The following MTSS2 variants were observed in gnomAD, a reference collection of about 807,000 sequenced individuals.
MTSS2 encodes MTSS I-BAR domain containing 2.
A neutral mutation model predicts 67.1 loss-of-function variants in MTSS2; 27 were observed. That is an observed-to-expected ratio of 0.40 (90% CI 0.30 to 0.55). The LOEUF (loss-of-function observed/expected upper bound fraction) is 0.55. MTSS2 is among the 20% of genes least tolerant of loss of function. MTSS2 has a pLI of 0.43. For missense variants in MTSS2, 1,171 were observed against 1,067.8 expected, an observed-to-expected ratio of 1.10 and a Z score of -1.35; for synonymous variants, 624 against 468.6, an observed-to-expected ratio of 1.33 and a Z score of -4.28.
Position 70,677,850 on chromosome 16 carries a change from A to C in MTSS2, c.674T>G (p.Ile225Ser). 6.2e-7 allele frequency: 1 copy of C among 1,612,612 alleles called. No individual in the cohort carries two copies. Among genetic ancestry groups the C allele is most frequent in the Non-Finnish European group, 8.5e-7 (1 of 1,179,700 alleles). Residue 225 changes from isoleucine to serine, a missense_variant, in exon 9 of 15, where the codon ATC becomes AGC. This residue lies in a region of MTSS2 where 247 missense variants were observed against 311.8 expected (regional missense o/e 0.79). Coordinates refer to ENST00000338779, the MANE Select transcript of MTSS2 (RefSeq NM_138383.3). ...LGEITHLQGI[I>S]DDLVVLTAEP... ...TGCTGTCAGCACCACCAAGTCGTCG[A>C]TGATGCCCTGCAGGTGGGTGATCTC...
chr16:70,680,944 G>A lies in MTSS2; in HGVS notation c.131+20C>T. 1 of 1,593,656 alleles carries A rather than the reference G, an allele frequency of 6.3e-7. No homozygotes were observed. Among genetic ancestry groups the A allele is most frequent in the Non-Finnish European group, 8.5e-7 (1 of 1,170,818 alleles). ...CCTCTGCCTGCCCCTCCCCTGCTGG[G>A]GTGCCCTGGGCCACCTCACCTCAGC... On this transcript the variant is annotated intron_variant, in intron 2 of 14. Coordinates refer to ENST00000338779, the MANE Select transcript of MTSS2 (RefSeq NM_138383.3).
chr16:70,674,103 G>C (rs1469771212), intron 11 of MTSS2, among the ~76,000 whole-genome samples: 1 of 152,164 alleles, frequency 6.6e-6, no homozygotes, highest in Admixed American at 6.5e-5. Context: ...ACTCATTTAA[G>C]ATATAAAGAT....
At chr16:70,673,320 A>G (rs1043178791) in intron 11 of MTSS2, among the ~76,000 whole-genome samples, 1 of 152,108 alleles carries the variant, frequency 6.6e-6, no homozygotes, top group Non-Finnish European at 1.5e-5. Context: ...GTGCCCAGAG[A>G]GAGACTCAGA....
chr16:70,682,443 C>G (rs1203051297), intron 1 of MTSS2, among the ~76,000 whole-genome samples: 1 of 152,094 alleles, frequency 6.6e-6, no homozygotes, highest in African/African-American at 2.4e-5. Flanking sequence ...CTTTAGGGAG[C>G]AGAGAAGTTG....
At chr16:70,678,220 C>T in intron 8 of MTSS2, 32 bp downstream of exon 8, 1 of 1,577,434 alleles carries the variant, frequency 6.3e-7, no homozygotes, top group African/African-American at 1.3e-5. Flanking sequence ...CCCAGCCCAC[C>T]CCTCTGGGGT....
intron 1 of MTSS2, among the ~76,000 whole-genome samples, chr16:70,682,016 G>A (rs546851933): frequency 1.8e-4 from 27 of 152,310 alleles, no homozygotes; most frequent in South Asian, 1.2e-3. Context: ...AGGGGAATGC[G>A]GAGACCCTGG....
chr16:70,665,422 G>A (rs2052675892), intron 12 of MTSS2, 44 bp downstream of exon 12: 10 of 1,527,316 alleles, frequency 6.5e-6, no homozygotes, highest in African/African-American at 1.4e-5. Context: ...ATGGATGGGA[G>A]GGGCAGCTGG....
chr16:70,663,601 G>A lies in MTSS2; in HGVS notation c.*76C>T. On this transcript the variant is annotated 3_prime_UTR_variant, in exon 15 of 15. Transcript: ENST00000338779. The stretch of plus-strand genomic sequence containing the variant: ...TGTCCTCTCTCCTGGCTGGGCCTTT[G>A]CTCTGAGTGCCTGCGGCTCACAGAC... 2 of 1,464,758 alleles carry A rather than the reference G, an allele frequency of 1.4e-6. No individual in the cohort carries two copies. Among genetic ancestry groups the A allele is most frequent in the Non-Finnish European group, 9.0e-7 (1 of 1,106,900 alleles). The allele number at this position is 1,464,758 out of a possible 1,614,324, so 90.7% of individuals were successfully genotyped here. A position where few individuals can be genotyped will look rare whatever the true frequency, so the allele number is the denominator to read the frequency against.
intron 11 of MTSS2, among the ~76,000 whole-genome samples, chr16:70,667,745 T>C (rs964189830): frequency 1.3e-5 from 2 of 151,988 alleles, no homozygotes; most frequent in African/African-American, 4.8e-5. Context: ...TGGTGGTACA[T>C]GTCTATAATT....
rs2053039907 is a variant in MTSS2 at position 70,674,321 on chromosome 16, T to C, written c.1038A>G (p.Ser346=). 6.2e-7 allele frequency: 1 copy of C among 1,613,592 alleles called. No individual in the cohort carries two copies. The highest frequency in any genetic ancestry group is 1.3e-5 in the African/African-American group (1 of 74,922). Residue 346 remains serine, a synonymous_variant, in exon 11 of 15, where the codon TCA becomes TCG. Coordinates refer to ENST00000338779, the MANE Select transcript of MTSS2 (RefSeq NM_138383.3). The part of the protein sequence containing the change: ...TYSKPPSPMP[S]DITSQKSSSS... ...GCCCCCTCACCTGGCTGGTGATGTCTGAAGGCATAGGCGAGGGGGGCTTGG... is the reference window on the plus strand; with the variant it reads ...GCCCCCTCACCTGGCTGGTGATGTCCGAAGGCATAGGCGAGGGGGGCTTGG...
rs1286450625 is a variant in MTSS2, at chr16:70,664,584, C to T, written c.1471+14G>A. 2 of 1,609,782 alleles carry T rather than the reference C, an allele frequency of 1.2e-6. No homozygotes were observed. Among genetic ancestry groups the T allele is most frequent in the Non-Finnish European group, 1.7e-6 (2 of 1,177,970 alleles). On this transcript the variant is annotated intron_variant, in intron 14 of 14. Transcript: ENST00000338779. ...CCAGCTGTCCCTGGTCCCACCCCAG[C>T]CCCGCGGGCCTGCCTTGGGAGGGGA... is the stretch of plus-strand genomic sequence containing the variant.
rs956683912 is a variant in MTSS2 at position 70,663,031 on chromosome 16, C to CG, written c.*645_*646insC. ...CACCACAGGGCCCCCAAGACCCCCC[C>CG]CCCCAAGCAGCCCCTGGTTTCCTCC... On this transcript the variant is annotated 3_prime_UTR_variant, in exon 15 of 15. Coordinates refer to ENST00000338779, the MANE Select transcript of MTSS2 (RefSeq NM_138383.3). The CG allele has an allele frequency of 2.0e-5, 3 of 152,366 alleles. No homozygotes were observed. Among genetic ancestry groups the CG allele is most frequent in the Non-Finnish European group, 2.9e-5 (2 of 68,310 alleles). 9.4% of individuals were successfully genotyped at this position (152,366 alleles called of 1,614,324 possible). A position where few individuals can be genotyped will look rare whatever the true frequency, so the allele number is the denominator to read the frequency against.
In MTSS2 at chr16:70,665,089, G is replaced by A; in HGVS notation, c.1136C>T (p.Ser379Phe). The stretch of plus-strand genomic sequence containing the variant: ...GGGCTGCTCATGGGAGCCGACCTTG[G>A]ACCAGTCCTGCAGGGAGGGTGTGGC... Reference protein sequence around the residue: ...SECSSPTSDWSKVGSHEQPSG... With the variant: ...SECSSPTSDWFKVGSHEQPSG... Residue 379 changes from serine (S) to phenylalanine (F), a missense_variant, in exon 13 of 15, where the codon TCC becomes TTC. By Grantham distance (155) the Ser-to-Phe change is radical. This residue lies in a region of MTSS2 where 924 missense variants were observed against 756.0 expected (regional missense o/e 1.22). Coordinates refer to ENST00000338779, the MANE Select transcript of MTSS2 (RefSeq NM_138383.3). 1 of 1,596,016 alleles carries A rather than the reference G, an allele frequency of 6.3e-7. No individual in the cohort carries two copies.
chr16:70,672,779 G>A (rs1433708363), intron 11 of MTSS2, among the ~76,000 whole-genome samples: 1 of 151,846 alleles, frequency 6.6e-6, no homozygotes, highest in Non-Finnish European at 1.5e-5. Context: ...TATGAGCTCA[G>A]AGATGCCTAA....
intron 11 of MTSS2, among the ~76,000 whole-genome samples, chr16:70,666,900 G>A (rs2052735530): frequency 6.6e-6 from 1 of 152,168 alleles, no homozygotes; most frequent in Non-Finnish European, 1.5e-5. Flanking sequence ...GATGCCCACT[G>A]TCATCACTCC....
chr16:70,681,270 GACA>G (rs1285133776), intron 1 of MTSS2, among the ~76,000 whole-genome samples: 2 of 152,210 alleles, frequency 1.3e-5, no homozygotes, highest in Non-Finnish European at 2.9e-5. Flanking sequence ...CTGACATCAG[GACA>G]TCCACCCTAC....
chr16:70,680,163 G>T (rs933632563), intron 3 of MTSS2, 108 bp from the exon 4 acceptor site: 2 of 630,046 alleles, frequency 3.2e-6, no homozygotes, highest in African/African-American at 2.0e-5. Flanking sequence ...CGCAGCCCGC[G>T]CCCTGCCCCC....
At chr16:70,679,351 GGA>G (rs1296486691) in intron 6 of MTSS2, 28 bp from the exon 7 acceptor site, 3 of 1,613,544 alleles carry the variant, frequency 1.9e-6, no homozygotes, top group Middle Eastern at 3.3e-4. Context: ...GAGGAGAGGA[GGA>G]GAGACAGAGA....
intron 12 of MTSS2, 88 bp from the exon 13 acceptor site, chr16:70,665,184 G>T: frequency 2.1e-6 from 3 of 1,427,264 alleles, no homozygotes; most frequent in Non-Finnish European, 1.9e-6. Context: ...GGCTCAGGGT[G>T]TCCAGGGCTA....
Sources: allele counts gnomAD v4.1 joint callset (sites outside exome capture counted in the v4.1 genomes callset), GRCh38; gene constraint gnomAD v4.1.1; regional missense constraint gnomAD v4.1.1; transcripts MANE v1.5; gene names NCBI Gene and HGNC (gene_info 2026-07-23, HGNC 2026-07-21).